KMT5A: variants seen among roughly 807,000 people sequenced by gnomAD.
KMT5A encodes the protein lysine methyltransferase 5A.
A neutral mutation model predicts 40.6 loss-of-function variants in KMT5A; 6 were observed. The observed-to-expected ratio is 0.15, with a 90% CI of 0.08 to 0.29. KMT5A has a LOEUF of 0.29. Among genes scored for constraint, KMT5A ranks in the 10% least tolerant of loss-of-function variants. The probability of loss-of-function intolerance (pLI) is 1.00; values close to 1 mark genes in which losing one functional copy is unlikely to be tolerated. For missense variants in KMT5A, 308 were observed against 459.1 expected (o/e 0.67, Z 3.01); for synonymous variants, 153 against 178.8 (o/e 0.86, Z 1.15).
intron 5 of KMT5A, among the ~76,000 whole-genome samples, chr12:123,402,890 C>T (rs1878282662): frequency 6.6e-6 from 1 of 152,176 alleles, no homozygotes; most frequent in African/African-American, 2.4e-5. Context: ...AGGGCACAGC[C>T]TCTGATCTGC....
intron 7 of KMT5A, among the ~76,000 whole-genome samples, chr12:123,405,932 G>A (rs964584800): frequency 6.6e-6 from 1 of 151,886 alleles, no homozygotes. Context: ...CGATTCTCCT[G>A]CCTCAGCCTC....
intron 2 of KMT5A, 47 bp downstream of exon 2, chr12:123,389,601 G>C (rs1020104785): frequency 2.2e-5 from 23 of 1,060,686 alleles, no homozygotes; most frequent in Non-Finnish European, 6.8e-6. Flanking sequence ...CCGCCGGGCC[G>C]GGGCCGCGAG....
intron 5 of KMT5A, among the ~76,000 whole-genome samples, chr12:123,398,229 C>T (rs1877884233): frequency 6.6e-6 from 1 of 151,832 alleles, no homozygotes; most frequent in African/African-American, 2.4e-5. Context: ...TTGCAGTGAG[C>T]CGAGATCGCG....
intron 5 of KMT5A, among the ~76,000 whole-genome samples, chr12:123,398,798 G>A (rs1877937810): frequency 6.6e-6 from 1 of 152,240 alleles, no homozygotes; most frequent in Admixed American, 6.5e-5. Flanking sequence ...CATCTGAAGG[G>A]TGGGGTCAGT....
At chr12:123,396,076 G>C (rs928536229) in intron 4 of KMT5A, among the ~76,000 whole-genome samples, 1 of 152,028 alleles carries the variant, frequency 6.6e-6, no homozygotes, top group Non-Finnish European at 1.5e-5. Context: ...GAACTCCTGG[G>C]CTCAAGTGAT....
At chr12:123,400,294 C>G (rs1334595528) in intron 5 of KMT5A, among the ~76,000 whole-genome samples, 1 of 151,792 alleles carries the variant, frequency 6.6e-6, no homozygotes, top group Non-Finnish European at 1.5e-5. Context: ...CTCGGCCTCC[C>G]AAAGTGCTGG....
At position 123,407,736 on chromosome 12, in the gene KMT5A, T is replaced by G. The variant is rs1369219728; in HGVS notation, c.*33T>G. ...GCCCCGTGCCCTCCCCGCCCCACTT[T>G]CCCTTCTTCAAAGGACAAAGTGCCC... On this transcript the variant is annotated 3_prime_UTR_variant, in exon 8 of 8. Coordinates refer to ENST00000402868, the MANE Select transcript of KMT5A (RefSeq NM_020382.7). 2 of 1,568,220 alleles carry G rather than the reference T, an allele frequency of 1.3e-6. No individual in the cohort carries two copies.
intron 7 of KMT5A, among the ~76,000 whole-genome samples, chr12:123,407,232 G>A (rs1342126068): frequency 1.3e-5 from 2 of 150,928 alleles, no homozygotes; most frequent in African/African-American, 4.9e-5. Flanking sequence ...AAAGCTACTC[G>A]GGAGGCTGAG....
chr12:123,394,444 G>A (rs1362644126), intron 3 of KMT5A, among the ~76,000 whole-genome samples: 1 of 152,090 alleles, frequency 6.6e-6, no homozygotes, highest in Non-Finnish European at 1.5e-5. Flanking sequence ...TTTTAAAAAG[G>A]TAAGCAGTTT....
chr12:123,405,375 T>C lies in KMT5A; in HGVS notation c.848+301T>C, dbSNP rs1421543601. On this transcript the variant is annotated intron_variant, in intron 7 of 7. Coordinates refer to ENST00000402868, the MANE Select transcript of KMT5A (RefSeq NM_020382.7). ...TAGTAGAGGTGGAGTTTTGCCACAT[T>C]GGCCAAGCTGGTCTTGAACTCCTGA... 2.0e-5 allele frequency among the ~76,000 whole-genome samples: 3 copies of C among 151,932 alleles called. No homozygotes were observed. The East Asian group carries it at 5.8e-4, about 29-fold the overall frequency.
At chr12:123,392,506 C>CA (rs35877701) in intron 3 of KMT5A, among the ~76,000 whole-genome samples, 24 of 151,480 alleles carry the variant, frequency 1.6e-4, no homozygotes, top group Admixed American at 3.3e-4. Flanking sequence ...ACAATGAAAA[C>CA]AAAAAAAATT....
At chr12:123,401,667 C>T (rs903457987) in intron 5 of KMT5A, among the ~76,000 whole-genome samples, 5 of 151,528 alleles carry the variant, frequency 3.3e-5, no homozygotes, top group African/African-American at 1.2e-4. Flanking sequence ...CTGCAAACTC[C>T]ACCTCCTGGG....
intron 3 of KMT5A, among the ~76,000 whole-genome samples, chr12:123,393,596 A>G (rs909894391): frequency 6.6e-6 from 1 of 151,814 alleles, no homozygotes; most frequent in East Asian, 1.9e-4. Flanking sequence ...CTGGAGTACA[A>G]TGGTGCAATC....
At position 123,390,774 on chromosome 12, in the gene KMT5A, A is replaced by G. The variant is rs777193666; in HGVS notation, c.277A>G (p.Arg93Gly). 1 of 1,613,950 alleles carries G rather than the reference A, an allele frequency of 6.2e-7. No individual in the cohort carries two copies. Among genetic ancestry groups the G allele is most frequent in the Non-Finnish European group, 8.5e-7 (1 of 1,179,830 alleles). Residue 93 changes from arginine (R) to glycine (G), a missense_variant, in exon 3 of 8, where the codon AGG becomes GGG. By Grantham distance (125) the Arg-to-Gly change is moderately radical. Around this residue, in one of 4 missense-constraint regions of KMT5A, gnomAD observed 127 missense variants for 129.8 expected, o/e 0.98. Transcript: ENST00000402868. ...GGGGAAACCATTAGCCGGAATCTAC[A>G]GGAAACGAGAAGGTAAGCTTTTGAA... ...CQGKPLAGIY[R>G]KREEKRNAGN...
intron 3 of KMT5A, among the ~76,000 whole-genome samples, chr12:123,394,252 C>T (rs751567545): frequency 3.3e-5 from 5 of 151,400 alleles, no homozygotes; most frequent in Non-Finnish European, 7.4e-5. Context: ...TACAAGTGTC[C>T]GCCAGTACAC....
In KMT5A at chr12:123,395,091, G is replaced by A. The variant is rs1240418668; in HGVS notation, c.334G>A (p.Glu112Lys). The A allele has an allele frequency of 1.3e-6, 2 of 1,594,176 alleles. No individual in the cohort carries two copies. Among genetic ancestry groups the A allele is most frequent in the Non-Finnish European group, 1.7e-6 (2 of 1,170,180 alleles). Reference sequence around the variant, plus strand: ...CGCAGTACGGAGCGCCATGAAGTCCGAGGAACAGAAGATCAAAGACGCCAG... The same window carrying A: ...CGCAGTACGGAGCGCCATGAAGTCCAAGGAACAGAAGATCAAAGACGCCAG... ...GNAVRSAMKS[E>K]EQKIKDARKG... Residue 112 changes from glutamate to lysine, a missense_variant, in exon 4 of 8, where the codon GAG becomes AAG. Coordinates refer to ENST00000402868, the MANE Select transcript of KMT5A (RefSeq NM_020382.7).
chr12:123,402,830 A>T (rs897860342), intron 5 of KMT5A, among the ~76,000 whole-genome samples: 15 of 152,330 alleles, frequency 9.8e-5, no homozygotes, highest in African/African-American at 3.1e-4. Flanking sequence ...CCCAAACAGA[A>T]GTATGAGCCA....
rs1472560164 is a variant in KMT5A at position 123,395,203 on chromosome 12, A to T, written c.446A>T (p.Asn149Ile). Residue 149 changes from asparagine (N) to isoleucine (I), a missense_variant, in exon 4 of 8, where the codon AAT becomes ATT. Physicochemically the swap from Asn to Ile is moderately radical, Grantham distance 149. Coordinates refer to ENST00000402868, the MANE Select transcript of KMT5A (RefSeq NM_020382.7). Reference protein sequence around the residue: ...KTPPSSCDSTNAAIAKQALKK... With the variant: ...KTPPSSCDSTIAAIAKQALKK... Reference sequence around the variant, plus strand: ...CCACCCTCATCTTGTGATTCCACCAATGCAGCCATCGCCAAGCAAGCCCTG... The same window carrying T: ...CCACCCTCATCTTGTGATTCCACCATTGCAGCCATCGCCAAGCAAGCCCTG... The T allele has an allele frequency of 4.3e-6, 7 of 1,613,480 alleles. No homozygotes were observed. In the African/African-American group the frequency reaches 9.3e-5, roughly 22 times the overall value.
chr12:123,392,698 A>G (rs1877402385), intron 3 of KMT5A, among the ~76,000 whole-genome samples: 2 of 152,056 alleles, frequency 1.3e-5, no homozygotes, highest in Admixed American at 6.6e-5. Flanking sequence ...GGTCAGCTGG[A>G]CTTTGGAGAC....
Sources: allele counts gnomAD v4.1 joint callset (sites outside exome capture counted in the v4.1 genomes callset), GRCh38; gene constraint gnomAD v4.1.1; regional missense constraint gnomAD v4.1.1; transcripts MANE v1.5; gene names NCBI Gene and HGNC (gene_info 2026-07-23, HGNC 2026-07-21).